The following GINS4 variants were observed in gnomAD, a reference collection of about 807,000 sequenced individuals.
GINS4 encodes GINS complex subunit 4.
A neutral mutation model predicts 31.1 loss-of-function variants in GINS4; 20 were observed. That is an observed-to-expected ratio of 0.64 (90% CI 0.45 to 0.93). The LOEUF is 0.93. GINS4 is among the 40% of genes least tolerant of loss of function. GINS4 has a pLI of 0.00. For synonymous variants in GINS4, 85 were observed against 97.9 expected, an observed-to-expected ratio of 0.87 and a Z score of 0.78; for missense variants, 245 against 273.9, an observed-to-expected ratio of 0.89 and a Z score of 0.75.
At chr8:41,540,633 C>T (rs756818782) in intron 6 of GINS4, among the ~76,000 whole-genome samples, 5 of 152,250 alleles carry the variant, frequency 3.3e-5, no homozygotes, top group South Asian at 2.1e-4. Flanking sequence ...TCGGATCAAC[C>T]CACCGGGGGC....
rs1333299843 is a variant in GINS4 at position 41,542,657 on chromosome 8, AC to A, written c.*571del. On this transcript the variant is annotated 3_prime_UTR_variant, in exon 8 of 8. Transcript: ENST00000276533. ...GCGAGACTCCATTTCCAAAAAAAAC[AC>A]ACTAGGCGTAAACAAGAATGAAGAC... 127 of 155,342 alleles carry A rather than the reference AC, an allele frequency of 8.2e-4. 1 individual carries two copies. The highest frequency in any genetic ancestry group is 8.0e-3 in the South Asian group (41 of 5,114). 9.6% of individuals were successfully genotyped at this position (155,342 alleles called of 1,614,324 possible).
chr8:41,538,121 T>C (rs1247409677), intron 4 of GINS4: 2 of 152,250 alleles, frequency 1.3e-5, no homozygotes, highest in Non-Finnish European at 2.9e-5. Context: ...TCTCTTTAGT[T>C]ATTACAAATA....
intron 1 of GINS4, 138 bp downstream of exon 1, chr8:41,529,534 C>T (rs1806619360): frequency 6.6e-6 from 1 of 152,280 alleles, no homozygotes; most frequent in South Asian, 2.1e-4. Flanking sequence ...CTCCTTAGGC[C>T]TTTGGGATCG....
In GINS4 at chr8:41,544,143, TC is replaced by T. The variant is rs1563257239; in HGVS notation, c.*2058del. The stretch of plus-strand genomic sequence containing the variant: ...GTGCAGAGGTCAAAAGGGAGGGTGT[TC>T]CAGGCAGAGAAAACAGCCTGTGCAA... On this transcript the variant is annotated 3_prime_UTR_variant, in exon 8 of 8. Coordinates refer to ENST00000276533, the MANE Select transcript of GINS4 (RefSeq NM_032336.3). 6.6e-6 allele frequency: 1 copy of T among 152,268 alleles called. No homozygotes were observed. The highest frequency in any genetic ancestry group is 6.5e-5 in the Admixed American group (1 of 15,268). The allele number at this position is 152,268 out of a possible 1,614,324, so 9.4% of individuals were successfully genotyped here.
chr8:41,541,755 T>G, intron 6 of GINS4, 54 bp from the exon 7 acceptor site: 1 of 1,431,316 alleles, frequency 7.0e-7, no homozygotes, highest in Admixed American at 1.7e-5. Context: ...AACTTTTACT[T>G]TGTTGACTTT....
At position 41,541,978 on chromosome 8, in the gene GINS4, C is replaced by T. The variant is rs79350355; in HGVS notation, c.576-13C>T. On this transcript the variant is annotated splice_polypyrimidine_tract_variant and intron_variant, in intron 7 of 7. Transcript: ENST00000276533. ...CCGAGCTCTGCAGGCAAATGTGTTT[C>T]CCTCTTTTTCAGGGACTACGTGATT... is the stretch of plus-strand genomic sequence containing the variant. The T allele has an allele frequency of 1.4e-3, 2,303 of 1,613,160 alleles. 31 individuals are homozygous for T. In the African/African-American group the frequency reaches 0.028, roughly 20 times the overall value.
At chr8:41,537,328 GCA>G in intron 4 of GINS4, 35 bp downstream of exon 4, 1 of 1,443,416 alleles carries the variant, frequency 6.9e-7, no homozygotes, top group Non-Finnish European at 9.7e-7. Flanking sequence ...GATTGAGACA[GCA>G]CAGTCTGTAA....
chr8:41,529,790 G>A (rs912133545), intron 1 of GINS4: 2 of 158,600 alleles, frequency 1.3e-5, no homozygotes, highest in Admixed American at 1.3e-4. Flanking sequence ...GAGCGCAGGG[G>A]CTTCCCACGT....
chr8:41,538,034 A>AAT, intron 4 of GINS4: 1 of 152,272 alleles, frequency 6.6e-6, no homozygotes, highest in East Asian at 1.9e-4. Context: ...AAAAAAAAAA[A>AAT]AAGAAATTGC....
At position 41,543,147 on chromosome 8, in the gene GINS4, T is replaced by C. The variant is rs1218339750; in HGVS notation, c.*1060T>C. On this transcript the variant is annotated 3_prime_UTR_variant, in exon 8 of 8. Transcript: ENST00000276533. The stretch of plus-strand genomic sequence containing the variant: ...ATCATTAGACTGTGTAAACTAACAT[T>C]TTAGAACCTCTAATATTGGACTTAA... The C allele has an allele frequency of 1.3e-5, 2 of 152,226 alleles. No homozygotes were observed. Among genetic ancestry groups the C allele is most frequent in the African/African-American group, 4.8e-5 (2 of 41,450 alleles). 9.4% of individuals were successfully genotyped at this position (152,226 alleles called of 1,614,324 possible). A position where few individuals can be genotyped will look rare whatever the true frequency, so the allele number is the denominator to read the frequency against.
At position 41,544,119 on chromosome 8, in the gene GINS4, T is replaced by C. The variant is rs1806893024; in HGVS notation, c.*2032T>C. On this transcript the variant is annotated 3_prime_UTR_variant, in exon 8 of 8. Transcript: ENST00000276533. ...TCTGATTAACAGGAGGCAGCTGCAG[T>C]GCAGAGGTCAAAAGGGAGGGTGTTC... The C allele has an allele frequency of 6.6e-6, 1 of 152,356 alleles. No homozygotes were observed. The highest frequency in any genetic ancestry group is 2.4e-5 in the African/African-American group (1 of 41,442). The allele number at this position is 152,356 out of a possible 1,614,324, so 9.4% of individuals were successfully genotyped here. A position where few individuals can be genotyped will look rare whatever the true frequency, so the allele number is the denominator to read the frequency against.
intron 4 of GINS4, among the ~76,000 whole-genome samples, chr8:41,538,661 C>T (rs1806781004): frequency 6.6e-6 from 1 of 151,666 alleles, no homozygotes; most frequent in African/African-American, 2.4e-5. Context: ...TTAGCTGTCT[C>T]TTAATACTTT....
rs1170663084 is a variant in GINS4 at position 41,542,743 on chromosome 8, ATAAAG to A, written c.*659_*663del. 1 of 153,156 alleles carries A rather than the reference ATAAAG, an allele frequency of 6.5e-6. No individual in the cohort carries two copies. Among genetic ancestry groups the A allele is most frequent in the Non-Finnish European group, 1.5e-5 (1 of 68,688 alleles). The allele number at this position is 153,156 out of a possible 1,614,324, so 9.5% of individuals were successfully genotyped here. On this transcript the variant is annotated 3_prime_UTR_variant, in exon 8 of 8. Transcript: ENST00000276533. ...TATCACGTTGTGCCTGAGGACAATA[ATAAAG>A]TAGTTTACTAGGCATCAGACATTCC...
In GINS4 at chr8:41,537,261, C is replaced by G. The variant is rs372245739; in HGVS notation, c.265C>G (p.Leu89Val). ...QMEMERIRYV[L>V]SSYLRCRLMK... ...GGAGATGGAGAGGATCCGCTACGTC[C>G]TCAGCAGCTACTTGCGGTGTCGCCT... is the stretch of plus-strand genomic sequence containing the variant. Residue 89 changes from leucine (L) to valine (V), a missense_variant, in exon 4 of 8, where the codon CTC becomes GTC. By Grantham distance (32) the Leu-to-Val change is conservative (BLOSUM62 1). Coordinates refer to ENST00000276533, the MANE Select transcript of GINS4 (RefSeq NM_032336.3). 102 of 1,613,646 alleles carry G rather than the reference C, an allele frequency of 6.3e-5. No homozygotes were observed. The South Asian group carries it at 6.6e-4, about 10-fold the overall frequency.
Position 41,539,704 on chromosome 8 carries a change from T to C in GINS4, c.324T>C (p.Leu108=). Residue 108 remains leucine, a synonymous_variant, in exon 5 of 8, where the codon CTT becomes CTC. Coordinates refer to ENST00000276533, the MANE Select transcript of GINS4 (RefSeq NM_032336.3). ...MKIEKFFPHV[L]EKEKTRPEGE... ...TAGAGAAGTTTTTCCCTCATGTCCT[T>C]GAGAAGGAAAAAACACGTCCTGAGG... The C allele has an allele frequency of 6.2e-7, 1 of 1,613,790 alleles. No homozygotes were observed. The highest frequency in any genetic ancestry group is 8.5e-7 in the Non-Finnish European group (1 of 1,179,764).
chr8:41,531,178 C>T (rs532970682), intron 2 of GINS4, among the ~76,000 whole-genome samples: 4 of 152,194 alleles, frequency 2.6e-5, no homozygotes, highest in South Asian at 2.1e-4. Context: ...AGGCTAAGGC[C>T]GGAGGATCAC....
Position 41,542,995 on chromosome 8 carries a change from A to G in GINS4, c.*908A>G, listed in dbSNP as rs1806871180. On this transcript the variant is annotated 3_prime_UTR_variant, in exon 8 of 8. Transcript: ENST00000276533. Reference sequence around the variant, plus strand: ...AGGCAGAAGTAGTTCATAAGAAGGCATCACTGCCTGTGATCGGGGCTGCAT... The same window carrying G: ...AGGCAGAAGTAGTTCATAAGAAGGCGTCACTGCCTGTGATCGGGGCTGCAT... 1 of 152,260 alleles carries G rather than the reference A, an allele frequency of 6.6e-6. No homozygotes were observed. The highest frequency in any genetic ancestry group is 2.4e-5 in the African/African-American group (1 of 41,464). 9.4% of individuals were successfully genotyped at this position (152,260 alleles called of 1,614,324 possible). A position where few individuals can be genotyped will look rare whatever the true frequency, so the allele number is the denominator to read the frequency against.
intron 2 of GINS4, among the ~76,000 whole-genome samples, chr8:41,536,023 G>A (rs568174805): frequency 3.9e-5 from 6 of 152,264 alleles, no homozygotes; most frequent in African/African-American, 1.4e-4. Context: ...CGCTGCCTGG[G>A]GGAACAGTGT....
chr8:41,539,579 C>G, intron 4 of GINS4, 99 bp from the exon 5 acceptor site: 1 of 833,778 alleles, frequency 1.2e-6, no homozygotes, highest in Non-Finnish European at 2.0e-6. Context: ...GCCACATGTC[C>G]TTCCTCGGGA....
Sources: allele counts gnomAD v4.1 joint callset (sites outside exome capture counted in the v4.1 genomes callset), GRCh38; gene constraint gnomAD v4.1.1; transcripts MANE v1.5; gene names NCBI Gene and HGNC (gene_info 2026-07-23, HGNC 2026-07-21).